DPP7: variants seen among roughly 807,000 people sequenced by gnomAD.
DPP7 encodes the protein dipeptidyl peptidase 2.
A neutral mutation model predicts 58.8 loss-of-function variants in DPP7; 74 were observed. The ratio of observed to expected loss-of-function variants is 1.26; its 90% confidence interval spans 1.04 to 1.53. DPP7 has a LOEUF of 1.53. Ranked by LOEUF, DPP7 falls within the 40% of genes most tolerant of loss-of-function variation. DPP7 has a pLI of 0.00. For missense variants in DPP7, 807 were observed against 692.3 expected (o/e 1.17, Z -1.86); for synonymous variants, 350 against 303.6 (o/e 1.15, Z -1.59).
upstream of DPP7, chr9:137,114,765 G>A (rs761453589): frequency 5.0e-3 from 6,161 of 1,234,002 alleles, 20 homozygotes; most frequent in Middle Eastern, 6.5e-3. Flanking sequence ...GGCCGCCAGG[G>A]CGCGCTCCTC....
chr9:137,110,816 C>T (rs1831320565), intron 12 of DPP7, 33 bp from the exon 13 acceptor site: 4 of 1,602,158 alleles, frequency 2.5e-6, no homozygotes, highest in Non-Finnish European at 2.5e-6. Flanking sequence ...GCCCGTCAGC[C>T]CCAGCCCTCG....
At chr9:137,110,835 G>C in intron 12 of DPP7, 45 bp downstream of exon 12, 1 of 1,602,716 alleles carries the variant, frequency 6.2e-7, no homozygotes, top group South Asian at 1.1e-5. Context: ...CGGTGAGCCT[G>C]TCCCGCCCGA....
chr9:137,116,509 C>T (rs1019484741), upstream of DPP7, among the ~76,000 whole-genome samples: 10 of 152,384 alleles, frequency 6.6e-5, no homozygotes, highest in South Asian at 4.1e-4. Flanking sequence ...TCATCGCCAT[C>T]CTCCATTCTC....
Position 137,113,907 on chromosome 9 carries a change from T to G in DPP7, c.443A>C (p.Asp148Ala), listed in dbSNP as rs990645128. 1 of 1,572,440 alleles carries G rather than the reference T, an allele frequency of 6.4e-7. No individual in the cohort carries two copies. The highest frequency in any genetic ancestry group is 8.6e-7 in the Non-Finnish European group (1 of 1,165,380). Residue 148 changes from aspartate (D) to alanine (A), a missense_variant, in exon 4 of 13, where the codon GAC becomes GCC. Coordinates refer to ENST00000371579, the MANE Select transcript of DPP7 (RefSeq NM_013379.3). ...GGCGGGGGCATCCTGGGCCCCGAGG[T>G]CGCGTCGTAGCGCGCGGAGCAGCTC... ...FAELLRALRR[D>A]LGAQDAPAIA...
chr9:137,115,814 C>A (rs1588670735), upstream of DPP7, among the ~76,000 whole-genome samples: 1 of 152,298 alleles, frequency 6.6e-6, no homozygotes, highest in Middle Eastern at 3.4e-3. Flanking sequence ...CCCACCACGG[C>A]CCTCACATCT....
At position 137,111,910 on chromosome 9, in the gene DPP7, G is replaced by C. The variant is rs1030495740; in HGVS notation, c.1170C>G (p.Pro390=). ...AGCTGGTCAGCAGCCAGTCGGGCCG[G>C]GGCCACACGCCCCAGGTGTCCAGGC... ...RYCLDTWGVW[P]RPDWLLTSFW... is the part of the protein sequence containing the mutation. Residue 390 remains proline (P), a synonymous_variant, in exon 10 of 13, where the codon CCC becomes CCG. Transcript: ENST00000371579. 6.2e-7 allele frequency: 1 copy of C among 1,613,118 alleles called. No individual in the cohort carries two copies. Among genetic ancestry groups the C allele is most frequent in the African/African-American group, 1.3e-5 (1 of 74,810 alleles).
chr9:137,114,058 C>G, intron 3 of DPP7, 30 bp from the exon 4 acceptor site: 1 of 1,294,630 alleles, frequency 7.7e-7, no homozygotes, highest in Non-Finnish European at 9.8e-7. Flanking sequence ...AGCCCGGCCC[C>G]GCGACCCCGC....
rs1421022469 is a variant in DPP7, at chr9:137,110,781, G to T, written c.1346C>A (p.Ala449Asp). The T allele has an allele frequency of 5.6e-6, 9 of 1,604,078 alleles. No homozygotes were observed. The highest frequency in any genetic ancestry group is 7.6e-6 in the Non-Finnish European group (9 of 1,179,416). The change falls in exon 13 of 13, where the codon GCC becomes GAC. Residue 449 changes from alanine to aspartate, a missense_variant and splice_region_variant. Physicochemically the swap from Ala to Asp is moderately radical, Grantham distance 126 (BLOSUM62 -2). Coordinates refer to ENST00000371579, the MANE Select transcript of DPP7 (RefSeq NM_013379.3). ...GGAAGCAGGATCTTCTGGGTGGGAG[G>T]CTCTGGGGAGCGGGCACAGAGGGGG... ...QGGAHHLDLRASHPEDPASVV... is the reference protein window; with the variant it reads ...QGGAHHLDLRDSHPEDPASVV...
intron 11 of DPP7, 134 bp downstream of exon 11, chr9:137,111,556 T>C: frequency 1.1e-6 from 1 of 949,610 alleles, no homozygotes; most frequent in Non-Finnish European, 1.6e-6. Flanking sequence ...CTGGGAGGCT[T>C]GAGCCTCAGA....
chr9:137,116,867 C>A (rs1248512240), upstream of DPP7, among the ~76,000 whole-genome samples: 1 of 152,060 alleles, frequency 6.6e-6, no homozygotes, highest in Non-Finnish European at 1.5e-5. Context: ...GGCAATGCTG[C>A]TCTGTTACTC....
At chr9:137,110,820 G>A (rs1018402127) in intron 12 of DPP7, 37 bp from the exon 13 acceptor site, 3 of 1,602,006 alleles carry the variant, frequency 1.9e-6, no homozygotes, top group Admixed American at 3.4e-5. Flanking sequence ...GTCAGCCCCA[G>A]CCCTCGGTGA....
In DPP7 at chr9:137,110,951, CTG is replaced by C. The variant is rs1166382236; in HGVS notation, c.1273-3_1273-2del. On this transcript the variant is annotated splice_acceptor_variant and splice_polypyrimidine_tract_variant and intron_variant, in intron 11 of 12. Coordinates refer to ENST00000371579, the MANE Select transcript of DPP7 (RefSeq NM_013379.3). LOFTEE classifies it high-confidence loss of function. ...CTGAGGCACTCAGGTTCCTCCGAAT[CTG>C]TGGTCAGTGGAAAGAACTCCATCAG... The C allele has an allele frequency of 6.2e-7, 1 of 1,612,826 alleles. No homozygotes were observed. The highest frequency in any genetic ancestry group is 8.5e-7 in the Non-Finnish European group (1 of 1,179,838).
In DPP7 at chr9:137,111,714, G is replaced by C. The variant is rs767638501; in HGVS notation, c.1248C>G (p.Asn416Lys). ...AASNIIFSNG[N>K]LDPWAGGGIR... Reference sequence around the variant, plus strand: ...CCCCGCCCCCTGCCCAGGGGTCCAGGTTCCCGTTGGAGAAGATGATGTTGC... The same window carrying C: ...CCCCGCCCCCTGCCCAGGGGTCCAGCTTCCCGTTGGAGAAGATGATGTTGC... Residue 416 changes from asparagine (N) to lysine (K), a missense_variant, in exon 11 of 13, where the codon AAC (asparagine) becomes AAG (lysine). Coordinates refer to ENST00000371579, the MANE Select transcript of DPP7 (RefSeq NM_013379.3). 6.2e-7 allele frequency: 1 copy of C among 1,613,768 alleles called. No individual in the cohort carries two copies. The highest frequency in any genetic ancestry group is 8.5e-7 in the Non-Finnish European group (1 of 1,180,002).
At chr9:137,115,096 C>T (rs1044885028), upstream of DPP7, 5 of 185,322 alleles carry the variant, frequency 2.7e-5, no homozygotes, top group Admixed American at 2.5e-4. Context: ...GGCCGTTCTG[C>T]TGCCCTAAGG....
chr9:137,112,686 G>A (rs1453220543), intron 8 of DPP7, 59 bp downstream of exon 8: 3 of 1,549,214 alleles, frequency 1.9e-6, no homozygotes, highest in Admixed American at 1.9e-5. Flanking sequence ...CCCGGCCCCA[G>A]GACCCAAGCC....
Position 137,114,204 on chromosome 9 carries a change from TGCCCCGCGACCC to T in DPP7, c.321+27_321+38del, listed in dbSNP as rs1489062794. The T allele has an allele frequency of 8.1e-5, 79 of 977,924 alleles. 1 individual carries two copies. In the African/African-American group the frequency reaches 2.9e-3, roughly 36 times the overall value. The allele number at this position is 977,924 out of a possible 1,614,324, so 60.6% of individuals were successfully genotyped here. A position where few individuals can be genotyped will look rare whatever the true frequency, so the allele number is the denominator to read the frequency against. On this transcript the variant is annotated intron_variant, in intron 3 of 12. Transcript: ENST00000371579. ...CCCGCGACCCCGCCCGGCACCCACGTGCCCCGCGACCCCGCCCGCGACCCCGCCCGGCACCCA... is the reference window on the plus strand; with the variant it reads ...CCCGCGACCCCGCCCGGCACCCACGTCGCCCGCGACCCCGCCCGGCACCCA...
chr9:137,111,930 C>T lies in DPP7; in HGVS notation c.1150G>A (p.Asp384Asn), dbSNP rs764966024. 3 of 1,577,166 alleles carry T rather than the reference C, an allele frequency of 1.9e-6. No individual in the cohort carries two copies. The highest frequency in any genetic ancestry group is 1.1e-5 in the South Asian group (1 of 90,580). The change falls in exon 10 of 13, where the codon GAC becomes AAC. Residue 384 changes from aspartate (D) to asparagine (N), a missense_variant. Transcript: ENST00000371579. The stretch of plus-strand genomic sequence containing the variant: ...GGCCGGGGCCACACGCCCCAGGTGT[C>T]CAGGCAGTACCGCTGGCGGAGCTCG... ...TDELRQRYCL[D>N]TWGVWPRPDW...
At chr9:137,111,783 G>A in intron 10 of DPP7, 29 bp from the exon 11 acceptor site, 5 of 1,613,594 alleles carry the variant, frequency 3.1e-6, no homozygotes, top group Non-Finnish European at 4.2e-6. Flanking sequence ...GTTGTGATGT[G>A]GGCCCCTCAC....
In DPP7 at chr9:137,111,901, G is replaced by T; in HGVS notation, c.1179C>A (p.Asp393Glu). ...CCCCCCAGAAGCTGGTCAGCAGCCAGTCGGGCCGGGGCCACACGCCCCAGG... is the reference window on the plus strand; with the variant it reads ...CCCCCCAGAAGCTGGTCAGCAGCCATTCGGGCCGGGGCCACACGCCCCAGG... The part of the protein sequence containing the change: ...LDTWGVWPRP[D>E]WLLTSFWGGD... The change falls in exon 10 of 13, where the codon GAC (aspartate) becomes GAA (glutamate). Residue 393 changes from aspartate (D) to glutamate (E), a missense_variant. This residue lies in a region of DPP7 where 624 missense variants were observed against 531.2 expected (regional missense o/e 1.17). Transcript: ENST00000371579. 2 of 1,612,438 alleles carry T rather than the reference G, an allele frequency of 1.2e-6. No homozygotes were observed. Among genetic ancestry groups the T allele is most frequent in the Non-Finnish European group, 1.7e-6 (2 of 1,179,550 alleles).
Sources: allele counts gnomAD v4.1 joint callset (sites outside exome capture counted in the v4.1 genomes callset), GRCh38; gene constraint gnomAD v4.1.1; regional missense constraint gnomAD v4.1.1; transcripts MANE v1.5; gene names NCBI Gene and HGNC (gene_info 2026-07-23, HGNC 2026-07-21).